Variants in ARHGEF3 observed in about 807,000 individuals in gnomAD.
ARHGEF3 encodes 59.8 kDA protein.
ARHGEF3 carries 28 observed loss-of-function variants against 63.2 expected under a neutral mutation model. The observed-to-expected ratio is 0.44, with a 90% CI of 0.33 to 0.61. The LOEUF is 0.61. ARHGEF3 is among the 20% of genes least tolerant of loss of function. The pLI, the probability that ARHGEF3 is intolerant of heterozygous loss-of-function variation, is 0.03. For synonymous variants in ARHGEF3, 266 were observed against 254.2 expected, an observed-to-expected ratio of 1.05 and a Z score of -0.44; for missense variants, 533 against 659.3, an observed-to-expected ratio of 0.81 and a Z score of 2.10.
chr3:56,814,388 G>A (rs957307052), intron 4 of ARHGEF3, among the ~76,000 whole-genome samples: 3 of 152,076 alleles, frequency 2.0e-5, no homozygotes, highest in East Asian at 1.9e-4. Context: ...TGTGGCCCAC[G>A]GAAGCCAAAA....
intron 2 of ARHGEF3, among the ~76,000 whole-genome samples, chr3:56,983,095 A>G (rs1376850287): frequency 1.2e-4 from 18 of 152,192 alleles, no homozygotes; most frequent in Admixed American, 1.2e-3. Context: ...AATTTGAGGT[A>G]CAAGTCAGAA....
At chr3:56,964,490 G>C (rs1030948738) in intron 2 of ARHGEF3, among the ~76,000 whole-genome samples, 1 of 152,112 alleles carries the variant, frequency 6.6e-6, no homozygotes, top group African/African-American at 2.4e-5. Context: ...TGGAGAATGG[G>C]TCTGTACTCT....
intron 2 of ARHGEF3, among the ~76,000 whole-genome samples, chr3:57,014,200 A>G (rs1029682973): frequency 8.5e-5 from 13 of 152,204 alleles, no homozygotes; most frequent in South Asian, 2.1e-4. Context: ...ACCAGAAGGA[A>G]AAAACTCCAA....
intron 2 of ARHGEF3, among the ~76,000 whole-genome samples, chr3:56,983,553 A>G (rs1010373442): frequency 8.5e-5 from 13 of 152,206 alleles, no homozygotes; most frequent in African/African-American, 2.9e-4. Flanking sequence ...ACAAATAACT[A>G]TGCAATTTCT....
chr3:56,874,114 C>T (rs890584324), intron 4 of ARHGEF3, among the ~76,000 whole-genome samples: 1 of 152,178 alleles, frequency 6.6e-6, no homozygotes, highest in African/African-American at 2.4e-5. Context: ...TGTGAACGCT[C>T]AAAGCACAAG....
chr3:56,780,396 G>A (rs538967516), intron 1 of ARHGEF3, among the ~76,000 whole-genome samples: 1 of 152,300 alleles, frequency 6.6e-6, no homozygotes, highest in African/African-American at 2.4e-5. Context: ...TTAGTAGAGT[G>A]TTCCCATACA....
intron 1 of ARHGEF3, among the ~76,000 whole-genome samples, chr3:56,784,356 G>C (rs151153584): frequency 6.6e-6 from 1 of 152,252 alleles, no homozygotes; most frequent in South Asian, 2.1e-4. Flanking sequence ...CCCATCCGCC[G>C]GTCTGGAAAA....
chr3:56,825,473 T>A (rs1371725159), intron 4 of ARHGEF3, among the ~76,000 whole-genome samples: 1 of 152,216 alleles, frequency 6.6e-6, no homozygotes, highest in Non-Finnish European at 1.5e-5. Flanking sequence ...TGGGATTTGG[T>A]ATTTGACAAA....
chr3:56,795,737 G>C (rs12630264), intron 1 of ARHGEF3, among the ~76,000 whole-genome samples: 9,052 of 149,302 alleles, frequency 0.061, 549 homozygotes, highest in East Asian at 0.32. Context: ...TGCCTCCCAG[G>C]TTCAAGTGAT....
chr3:56,807,702 C>T (rs2037912630), intron 4 of ARHGEF3, among the ~76,000 whole-genome samples: 1 of 152,206 alleles, frequency 6.6e-6, no homozygotes, highest in Non-Finnish European at 1.5e-5. Context: ...CAGATCAGGA[C>T]TGTGATTTAC....
chr3:57,026,661 A>G (rs1703488103), intron 2 of ARHGEF3, among the ~76,000 whole-genome samples: 2 of 152,158 alleles, frequency 1.3e-5, no homozygotes, highest in Non-Finnish European at 1.5e-5. Context: ...CCGGGGGAGC[A>G]TCCTCTTCAC....
intron 4 of ARHGEF3, among the ~76,000 whole-genome samples, chr3:56,822,737 C>T (rs907793113): frequency 6.6e-6 from 1 of 151,648 alleles, no homozygotes; most frequent in Non-Finnish European, 1.5e-5. Context: ...CCTGTAATCC[C>T]AGCTACTCCA....
chr3:56,743,086 A>G (rs149439134), intron 7 of ARHGEF3, among the ~76,000 whole-genome samples: 1,617 of 152,278 alleles, frequency 0.011, 30 homozygotes, highest in African/African-American at 0.037. Flanking sequence ...GAAATATGGA[A>G]AGGAGGCAAC....
intron 4 of ARHGEF3, among the ~76,000 whole-genome samples, chr3:56,863,303 ATTT>A (rs112409030): frequency 7.8e-6 from 1 of 128,532 alleles, no homozygotes; most frequent in Non-Finnish European, 1.7e-5. Context: ...CACCCAGCTA[ATTT>A]TTTTTTTTTT....
At chr3:56,988,486 G>A (rs1326256243) in intron 2 of ARHGEF3, among the ~76,000 whole-genome samples, 1 of 152,076 alleles carries the variant, frequency 6.6e-6, no homozygotes, top group Non-Finnish European at 1.5e-5. Flanking sequence ...AAAGTGCCCA[G>A]CACATGATAA....
intron 2 of ARHGEF3, among the ~76,000 whole-genome samples, chr3:56,967,557 TATA>T (rs1335694058): frequency 1.1e-5 from 1 of 90,422 alleles, no homozygotes; most frequent in Non-Finnish European, 1.9e-5. Flanking sequence ...ATGTACATTA[TATA>T]ATATATAATA....
intron 2 of ARHGEF3, among the ~76,000 whole-genome samples, chr3:57,011,129 G>A (rs1488339521): frequency 1.3e-5 from 2 of 152,180 alleles, no homozygotes; most frequent in Non-Finnish European, 2.9e-5. Context: ...AGGGAAAATC[G>A]GAGGGAAGGT....
chr3:56,962,645 G>C (rs1222568746), intron 2 of ARHGEF3, among the ~76,000 whole-genome samples: 2 of 152,210 alleles, frequency 1.3e-5, no homozygotes, highest in Non-Finnish European at 1.5e-5. Flanking sequence ...GGAGGGGTTG[G>C]AGTTGGGGGG....
intron 4 of ARHGEF3, among the ~76,000 whole-genome samples, chr3:56,827,525 G>T (rs1164641432): frequency 6.6e-6 from 1 of 152,054 alleles, no homozygotes; most frequent in Non-Finnish European, 1.5e-5. Context: ...GCTGTTGCGA[G>T]GATTAAATGC....
Sources: allele counts gnomAD v4.1 joint callset (sites outside exome capture counted in the v4.1 genomes callset), GRCh38; gene constraint gnomAD v4.1.1; transcripts MANE v1.5; gene names NCBI Gene and HGNC (gene_info 2026-07-23, HGNC 2026-07-21).